The following ERBB4 variants were observed in gnomAD, a reference collection of about 807,000 sequenced individuals.
ERBB4 encodes the protein erb-b2 receptor tyrosine kinase 4.
A neutral mutation model predicts 158.0 loss-of-function variants in ERBB4; 42 were observed. The ratio of observed to expected loss-of-function variants is 0.27; its 90% CI spans 0.21 to 0.34. ERBB4 has a LOEUF of 0.34. Ranked by LOEUF, ERBB4 falls within the 10% of genes least tolerant of loss-of-function variation. The pLI is 1.00. For synonymous variants in ERBB4, 583 were observed against 558.7 expected, an observed-to-expected ratio of 1.04 and a Z score of -0.61; for missense variants, 1,333 against 1,624.1, an observed-to-expected ratio of 0.82 and a Z score of 3.08.
chr2:211,591,533 C>T (rs1004250003), intron 19 of ERBB4, among the ~76,000 whole-genome samples: 1 of 152,216 alleles, frequency 6.6e-6, no homozygotes, highest in Non-Finnish European at 1.5e-5. Flanking sequence ...CCACTGCGAC[C>T]TAATTTAAAC....
intron 2 of ERBB4, among the ~76,000 whole-genome samples, chr2:212,023,104 T>G (rs1295578737): frequency 6.6e-6 from 1 of 152,066 alleles, no homozygotes; most frequent in Non-Finnish European, 1.5e-5. Context: ...CTAGGGAGTA[T>G]AGAGAAAAGT....
At chr2:211,901,974 G>A (rs1438277155) in intron 3 of ERBB4, among the ~76,000 whole-genome samples, 5 of 151,904 alleles carry the variant, frequency 3.3e-5, no homozygotes, top group African/African-American at 4.8e-5. Flanking sequence ...CCACTTTTAT[G>A]TTCTGTTATT....
At chr2:211,533,714 C>G (rs1013065357) in intron 20 of ERBB4, among the ~76,000 whole-genome samples, 1 of 151,830 alleles carries the variant, frequency 6.6e-6, no homozygotes, top group African/African-American at 2.4e-5. Context: ...TAGGGATTTC[C>G]CAACCTTCAG....
At chr2:211,568,797 A>T (rs998198165) in intron 19 of ERBB4, among the ~76,000 whole-genome samples, 1 of 152,166 alleles carries the variant, frequency 6.6e-6, no homozygotes, top group African/African-American at 2.4e-5. Context: ...AGATAGTGAG[A>T]GTGCTAGTGA....
At chr2:211,973,994 A>G (rs2081534039) in intron 2 of ERBB4, among the ~76,000 whole-genome samples, 1 of 152,122 alleles carries the variant, frequency 6.6e-6, no homozygotes, top group South Asian at 2.1e-4. Flanking sequence ...AAAACCAAAC[A>G]CCACATGTTC....
intron 19 of ERBB4, 85 bp from the exon 20 acceptor site, chr2:211,562,173 G>T: frequency 8.6e-7 from 1 of 1,162,794 alleles, no homozygotes; most frequent in Non-Finnish European, 1.3e-6. Flanking sequence ...TGGTGCTGAT[G>T]ATTTTTAAAA....
Position 212,120,423 on chromosome 2 carries a change from G to A in ERBB4, c.234+4329C>T, listed in dbSNP as rs2079713229. Among the ~76,000 whole-genome samples, 5 of 152,034 alleles carry A rather than the reference G, an allele frequency of 3.3e-5. No homozygotes were observed. In the South Asian group the frequency reaches 1.0e-3, roughly 32 times the overall value. Reference sequence around the variant, plus strand: ...AGACAATAGTTCATATATGAAATTGGGGTCTATAATTTAAGACAAATACTA... The same window carrying A: ...AGACAATAGTTCATATATGAAATTGAGGTCTATAATTTAAGACAAATACTA... On this transcript the variant is annotated intron_variant, in intron 2 of 27. Transcript: ENST00000342788.
At chr2:211,760,567 A>G (rs2075384796) in intron 4 of ERBB4, among the ~76,000 whole-genome samples, 1 of 152,256 alleles carries the variant, frequency 6.6e-6, no homozygotes, top group Non-Finnish European at 1.5e-5. Flanking sequence ...TGTAAGTATC[A>G]ACAGATATGT....
chr2:212,256,020 G>GT (rs1325091347), intron 1 of ERBB4, among the ~76,000 whole-genome samples: 1 of 150,730 alleles, frequency 6.6e-6, no homozygotes. Context: ...TTACAAATGG[G>GT]GGGGGGTCTC....
At chr2:212,502,842 C>T (rs1462314452) in intron 1 of ERBB4, among the ~76,000 whole-genome samples, 1 of 152,110 alleles carries the variant, frequency 6.6e-6, no homozygotes, top group Non-Finnish European at 1.5e-5. Context: ...ACCATCAGGA[C>T]TCAGTGCAGC....
intron 2 of ERBB4, among the ~76,000 whole-genome samples, chr2:212,097,896 A>T (rs2078974536): frequency 6.6e-6 from 1 of 152,198 alleles, no homozygotes; most frequent in African/African-American, 2.4e-5. Flanking sequence ...GGAGACAAAG[A>T]CAATGCATAT....
At chr2:212,439,676 T>C (rs2092212468) in intron 1 of ERBB4, among the ~76,000 whole-genome samples, 1 of 152,158 alleles carries the variant, frequency 6.6e-6, no homozygotes, top group Admixed American at 6.6e-5. Flanking sequence ...ACAAAGTTTC[T>C]GGTGGGGTTA....
At chr2:211,869,042 T>G (rs1398934768) in intron 3 of ERBB4, among the ~76,000 whole-genome samples, 1 of 152,178 alleles carries the variant, frequency 6.6e-6, no homozygotes, top group African/African-American at 2.4e-5. Context: ...TTCTCTAAGT[T>G]AAAGTCTAAA....
At chr2:211,468,596 AGT>A in intron 20 of ERBB4, among the ~76,000 whole-genome samples, 1 of 152,264 alleles carries the variant, frequency 6.6e-6, no homozygotes, top group South Asian at 2.1e-4. Flanking sequence ...ACGCCCCCCA[AGT>A]CTACATACAC....
intron 2 of ERBB4, among the ~76,000 whole-genome samples, chr2:211,950,523 T>A (rs993268316): frequency 6.6e-6 from 1 of 152,170 alleles, no homozygotes; most frequent in Admixed American, 6.6e-5. Context: ...TCTAGTTGGT[T>A]TATAATAAAA....
intron 25 of ERBB4, among the ~76,000 whole-genome samples, chr2:211,401,881 G>C (rs2063050518): frequency 6.6e-6 from 1 of 151,476 alleles, no homozygotes. Context: ...AAAAGTACTA[G>C]AAAGGTAAGA....
At chr2:211,589,885 A>G (rs2068408832) in intron 19 of ERBB4, among the ~76,000 whole-genome samples, 1 of 152,192 alleles carries the variant, frequency 6.6e-6, no homozygotes, top group South Asian at 2.1e-4. Flanking sequence ...TCAATTTGTG[A>G]CCACAGTTAT....
At chr2:212,326,356 C>A (rs2087831917) in intron 1 of ERBB4, among the ~76,000 whole-genome samples, 1 of 150,482 alleles carries the variant, frequency 6.6e-6, no homozygotes, top group African/African-American at 2.4e-5. Flanking sequence ...ATTTTAAAGA[C>A]CTCGTCTTCA....
intron 2 of ERBB4, among the ~76,000 whole-genome samples, chr2:212,003,215 A>AAGAAAGAAAGAAAGAC (rs1559294215): frequency 1.3e-4 from 6 of 47,276 alleles, no homozygotes; most frequent in African/African-American, 2.7e-4. Context: ...GACAGAAAGA[A>AAGAAAGAAAGAAAGAC]GGAAGGAAGG....
Sources: allele counts gnomAD v4.1 joint callset (sites outside exome capture counted in the v4.1 genomes callset), GRCh38; gene constraint gnomAD v4.1.1; transcripts MANE v1.5; gene names NCBI Gene and HGNC (gene_info 2026-07-23, HGNC 2026-07-21).